Variants in ZNF891 observed in about 807,000 individuals in gnomAD.
ZNF891 encodes the protein zinc finger protein 891.
For synonymous variants in ZNF891, 199 were observed against 209.0 expected (o/e 0.95, Z 0.41); for missense variants, 589 against 632.7 (o/e 0.93, Z 0.74).
chr12:133,122,659 C>T (rs1205677536), intron 1 of ZNF891, among the ~76,000 whole-genome samples: 4 of 152,122 alleles, frequency 2.6e-5, no homozygotes, highest in Admixed American at 6.5e-5. Flanking sequence ...AATACCTAGG[C>T]GATGGGTTGA....
At chr12:133,124,944 A>G (rs1474162019) in intron 1 of ZNF891, among the ~76,000 whole-genome samples, 1 of 151,682 alleles carries the variant, frequency 6.6e-6, no homozygotes, top group East Asian at 2.0e-4. Context: ...ATTCAGAGGA[A>G]ACAATGTAAG....
At position 133,119,436 on chromosome 12, in the gene ZNF891, AGGAGGC is replaced by A. The variant is rs1288370507; in HGVS notation, c.*842_*847del. ...GTGGTGCCTGTAATCCCAGCTACTC[AGGAGGC>A]TGAGGCAGGAGAATCACCTGAACCT... On this transcript the variant is annotated 3_prime_UTR_variant, in exon 2 of 2. Transcript: ENST00000537226. 6.6e-6 allele frequency: 1 copy of A among 152,290 alleles called. No homozygotes were observed. The allele number at this position is 152,290 out of a possible 1,614,324, so 9.4% of individuals were successfully genotyped here. A position where few individuals can be genotyped will look rare whatever the true frequency, so the allele number is the denominator to read the frequency against.
Position 133,106,401 on chromosome 12 carries a change from A to G in ZNF891, c.*13883T>C. On this transcript the variant is annotated 3_prime_UTR_variant, in exon 2 of 2. Transcript: ENST00000537226. ...ACTTGGCATGCATCCCTTATTCAAC[A>G]TACGAAGAGTCACACTGGAGAGAAA... The G allele has an allele frequency of 6.2e-7, 1 of 1,614,214 alleles. No individual in the cohort carries two copies. The highest frequency in any genetic ancestry group is 8.5e-7 in the Non-Finnish European group (1 of 1,180,020).
chr12:133,129,590 C>CG (rs1331156638), intron 1 of ZNF891, among the ~76,000 whole-genome samples: 2 of 148,816 alleles, frequency 1.3e-5, no homozygotes, highest in African/African-American at 4.9e-5. Context: ...TGGAGGCGGG[C>CG]GGGGGGCGGT....
At position 133,115,405 on chromosome 12, in the gene ZNF891, A is replaced by AAAAAAAAAAAAAAAAAAAAAAAAAAAAC. The variant is rs1955710492; in HGVS notation, c.*4878_*4879insGTTTTTTTTTTTTTTTTTTTTTTTTTTT. The AAAAAAAAAAAAAAAAAAAAAAAAAAAAC allele has an allele frequency of 6.6e-6, 1 of 150,426 alleles. No homozygotes were observed. Among genetic ancestry groups the AAAAAAAAAAAAAAAAAAAAAAAAAAAAC allele is most frequent in the Non-Finnish European group, 1.5e-5 (1 of 67,494 alleles). The allele number at this position is 150,426 out of a possible 1,614,324, so 9.3% of individuals were successfully genotyped here. On this transcript the variant is annotated 3_prime_UTR_variant, in exon 2 of 2. Coordinates refer to ENST00000537226, the MANE Select transcript of ZNF891 (RefSeq NM_001277291.2). ...AACTCCTTCTCAAAAAAAAAAAAAA[A>AAAAAAAAAAAAAAAAAAAAAAAAAAAAC]AAAAAAAAAAAGATGTGGGATAAAA...
intron 1 of ZNF891, among the ~76,000 whole-genome samples, chr12:133,129,780 A>G (rs928454121): frequency 6.6e-6 from 1 of 152,220 alleles, no homozygotes; most frequent in Non-Finnish European, 1.5e-5. Flanking sequence ...CCAGAGTATT[A>G]AAGAAATAAA....
Position 133,117,946 on chromosome 12 carries a change from C to CTTTTT in ZNF891, c.*2333_*2337dup. ...ACTAAAAACATTTACCTTCACCTTC[C>CTTTTT]TTTTTTTTTTTTTTTTTTTGAGATG... On this transcript the variant is annotated 3_prime_UTR_variant, in exon 2 of 2. Transcript: ENST00000537226. The CTTTTT allele has an allele frequency of 7.8e-6, 1 of 128,660 alleles. No individual in the cohort carries two copies. The highest frequency in any genetic ancestry group is 1.6e-5 in the Non-Finnish European group (1 of 61,490). 8.0% of individuals were successfully genotyped at this position (128,660 alleles called of 1,614,324 possible). A position where few individuals can be genotyped will look rare whatever the true frequency, so the allele number is the denominator to read the frequency against.
chr12:133,126,765 C>G (rs949309405), intron 1 of ZNF891, among the ~76,000 whole-genome samples: 1 of 146,798 alleles, frequency 6.8e-6, no homozygotes, highest in Non-Finnish European at 1.5e-5. Flanking sequence ...TGCAGTGAGC[C>G]GAGATGTGCC....
chr12:133,127,052 C>A (rs1955825330), intron 1 of ZNF891, among the ~76,000 whole-genome samples: 1 of 147,786 alleles, frequency 6.8e-6, no homozygotes, highest in Non-Finnish European at 1.5e-5. Flanking sequence ...GAAACCTCTG[C>A]CTCCCGGGTT....
chr12:133,106,671 A>G lies in ZNF891; in HGVS notation c.*13613T>C. The G allele has an allele frequency of 6.5e-7, 1 of 1,535,348 alleles. No homozygotes were observed. Among genetic ancestry groups the G allele is most frequent in the Non-Finnish European group, 8.7e-7 (1 of 1,149,286 alleles). On this transcript the variant is annotated 3_prime_UTR_variant, in exon 2 of 2. Transcript: ENST00000537226. ...CAGTGAATTTACACTGCAAAGAAAAACTATGAATGTATGGAATTTTTTAAA... is the reference window on the plus strand; with the variant it reads ...CAGTGAATTTACACTGCAAAGAAAAGCTATGAATGTATGGAATTTTTTAAA...
rs1158692241 is a variant in ZNF891, at chr12:133,104,999, T to A, written c.*15285A>T. Among the ~76,000 whole-genome samples, 1 of 152,134 alleles carries A rather than the reference T, an allele frequency of 6.6e-6. No homozygotes were observed. Among genetic ancestry groups the A allele is most frequent in the Non-Finnish European group, 1.5e-5 (1 of 68,028 alleles). ...AGAAAAGACATAATTATACCAAATA[T>A]GAGCTTCATACTAGTTCAGAAGGTA... On this transcript the variant is annotated 3_prime_UTR_variant, in exon 2 of 2. Coordinates refer to ENST00000537226, the MANE Select transcript of ZNF891 (RefSeq NM_001277291.2).
Position 133,106,402 on chromosome 12 carries a change from T to C in ZNF891, c.*13882A>G. Reference sequence around the variant, plus strand: ...CTTGGCATGCATCCCTTATTCAACATACGAAGAGTCACACTGGAGAGAAAC... The same window carrying C: ...CTTGGCATGCATCCCTTATTCAACACACGAAGAGTCACACTGGAGAGAAAC... On this transcript the variant is annotated 3_prime_UTR_variant, in exon 2 of 2. Transcript: ENST00000537226. 6.2e-7 allele frequency: 1 copy of C among 1,614,126 alleles called. No homozygotes were observed. Among genetic ancestry groups the C allele is most frequent in the Non-Finnish European group, 8.5e-7 (1 of 1,180,004 alleles).
Position 133,113,125 on chromosome 12 carries a change from T to C in ZNF891, c.*7159A>G, listed in dbSNP as rs2137610829. On this transcript the variant is annotated 3_prime_UTR_variant, in exon 2 of 2. Transcript: ENST00000537226. ...TATATTTATAAAATATAAAAAAATA[T>C]ATTTTTCAATTTTTTTAATCTGGTA... The C allele has an allele frequency of 6.7e-6, 1 of 148,396 alleles. No homozygotes were observed. Among genetic ancestry groups the C allele is most frequent in the South Asian group, 2.1e-4 (1 of 4,788 alleles). 9.2% of individuals were successfully genotyped at this position (148,396 alleles called of 1,614,324 possible).
intron 1 of ZNF891, among the ~76,000 whole-genome samples, chr12:133,124,666 TA>T (rs1241208046): frequency 2.0e-5 from 3 of 150,024 alleles, no homozygotes; most frequent in Non-Finnish European, 4.5e-5. Flanking sequence ...GGCAATAAAA[TA>T]ATATCTTCAA....
rs1955686384 is a variant in ZNF891 at position 133,112,175 on chromosome 12, A to C, written c.*8109T>G. On this transcript the variant is annotated 3_prime_UTR_variant, in exon 2 of 2. Coordinates refer to ENST00000537226, the MANE Select transcript of ZNF891 (RefSeq NM_001277291.2). ...TACTTTCTGTTCCACAAATATGTCA[A>C]ATCCTGATGAGTCTTTTTGCTCTTG... The C allele has an allele frequency of 6.6e-6, 1 of 152,360 alleles. No individual in the cohort carries two copies. Among genetic ancestry groups the C allele is most frequent in the Non-Finnish European group, 1.5e-5 (1 of 68,080 alleles). 9.4% of individuals were successfully genotyped at this position (152,360 alleles called of 1,614,324 possible).
Position 133,118,235 on chromosome 12 carries a change from T to TGGC in ZNF891, c.*2046_*2048dup, listed in dbSNP as rs1955727062. On this transcript the variant is annotated 3_prime_UTR_variant, in exon 2 of 2. Coordinates refer to ENST00000537226, the MANE Select transcript of ZNF891 (RefSeq NM_001277291.2). Reference sequence around the variant, plus strand: ...GATTACAGGCGTGAACCACCACACCTGGCCAACTTCACCTTCCTTTTTGAA... The same window carrying TGGC: ...GATTACAGGCGTGAACCACCACACCTGGCGGCCAACTTCACCTTCCTTTTTGAA... 1.3e-5 allele frequency: 2 copies of TGGC among 152,378 alleles called. No homozygotes were observed. The highest frequency in any genetic ancestry group is 2.9e-5 in the Non-Finnish European group (2 of 68,230). The allele number at this position is 152,378 out of a possible 1,614,324, so 9.4% of individuals were successfully genotyped here. A position where few individuals can be genotyped will look rare whatever the true frequency, so the allele number is the denominator to read the frequency against.
rs1256729795 is a variant in ZNF891, at chr12:133,108,920, TGAAAAG to T, written c.*11358_*11363del. Reference sequence around the variant, plus strand: ...GTGTAGCAAAATCTTCTTAGATATCTGAAAAGTCATACTGGATGGAATCCAGTGTCC... The same window carrying T: ...GTGTAGCAAAATCTTCTTAGATATCTTCATACTGGATGGAATCCAGTGTCC... On this transcript the variant is annotated 3_prime_UTR_variant, in exon 2 of 2. Coordinates refer to ENST00000537226, the MANE Select transcript of ZNF891 (RefSeq NM_001277291.2). 1.1e-4 allele frequency: 17 copies of T among 152,146 alleles called. No individual in the cohort carries two copies. The highest frequency in any genetic ancestry group is 2.1e-4 in the Non-Finnish European group (14 of 67,994). 9.4% of individuals were successfully genotyped at this position (152,146 alleles called of 1,614,324 possible).
chr12:133,126,090 A>C (rs1290659591), intron 1 of ZNF891: 1 of 166,576 alleles, frequency 6.0e-6, no homozygotes, highest in Non-Finnish European at 1.3e-5. Flanking sequence ...TCAGAGAGAT[A>C]TTTCCTCTAT....
In ZNF891 at chr12:133,116,294, C is replaced by A. The variant is rs1339704669; in HGVS notation, c.*3990G>T. 6.6e-6 allele frequency: 1 copy of A among 152,190 alleles called. No individual in the cohort carries two copies. Among genetic ancestry groups the A allele is most frequent in the East Asian group, 1.9e-4 (1 of 5,192 alleles). The allele number at this position is 152,190 out of a possible 1,614,324, so 9.4% of individuals were successfully genotyped here. A position where few individuals can be genotyped will look rare whatever the true frequency, so the allele number is the denominator to read the frequency against. Reference sequence around the variant, plus strand: ...TAATTTTTTGTATTTTTAGTAGAGACGAGGTTTCATCATGTTAGCCAGGAT... The same window carrying A: ...TAATTTTTTGTATTTTTAGTAGAGAAGAGGTTTCATCATGTTAGCCAGGAT... On this transcript the variant is annotated 3_prime_UTR_variant, in exon 2 of 2. Transcript: ENST00000537226.
Sources: allele counts gnomAD v4.1 joint callset (sites outside exome capture counted in the v4.1 genomes callset), GRCh38; gene constraint gnomAD v4.1.1; transcripts MANE v1.5; gene names NCBI Gene and HGNC (gene_info 2026-07-23, HGNC 2026-07-21).